The following STXBP6 variants were observed in gnomAD, a reference collection of about 807,000 sequenced individuals.
STXBP6 encodes the protein syntaxin binding protein 6, also known as syntaxin-binding protein 6.
Under a neutral mutation model 26.9 loss-of-function variants are expected in STXBP6, and 21 were observed. That is an observed-to-expected ratio of 0.78 (90% CI 0.55 to 1.12). The LOEUF (loss-of-function observed/expected upper bound fraction) is 1.12, where lower values mean the gene tolerates loss of function less well. Among genes scored for constraint, STXBP6 ranks in the 50% most tolerant of loss-of-function variants. The pLI is 0.00. For synonymous variants in STXBP6, 97 were observed against 92.6 expected, an observed-to-expected ratio of 1.05 and a Z score of -0.27; for missense variants, 232 against 257.9, an observed-to-expected ratio of 0.90 and a Z score of 0.69.
intron 2 of STXBP6, among the ~76,000 whole-genome samples, chr14:24,927,965 A>G (rs888930133): frequency 3.3e-5 from 5 of 152,226 alleles, no homozygotes; most frequent in African/African-American, 9.6e-5. Context: ...TTACTATCCA[A>G]TGTTGTTATA....
chr14:24,971,229 GA>G (rs1327039103), intron 2 of STXBP6, among the ~76,000 whole-genome samples: 1 of 151,870 alleles, frequency 6.6e-6, no homozygotes, highest in African/African-American at 2.4e-5. Context: ...TAGATATTGG[GA>G]AAAAAATCAC....
At chr14:25,036,651 G>A (rs1449037060) in intron 1 of STXBP6, among the ~76,000 whole-genome samples, 2 of 151,946 alleles carry the variant, frequency 1.3e-5, no homozygotes, top group African/African-American at 2.4e-5. Context: ...TCAGGAGATC[G>A]AGACCATCCT....
At chr14:24,826,234 T>C (rs956158257) in intron 4 of STXBP6, among the ~76,000 whole-genome samples, 7 of 152,202 alleles carry the variant, frequency 4.6e-5, no homozygotes, top group Non-Finnish European at 7.3e-5. Context: ...TTACCAGCTG[T>C]GTGACCTGAA....
At chr14:24,888,261 T>G (rs2070661479) in intron 2 of STXBP6, among the ~76,000 whole-genome samples, 1 of 152,090 alleles carries the variant, frequency 6.6e-6, no homozygotes, top group Non-Finnish European at 1.5e-5. Flanking sequence ...ATATTACAAA[T>G]GGATAGGTGG....
At chr14:25,028,557 G>A (rs1268988909) in intron 1 of STXBP6, among the ~76,000 whole-genome samples, 1 of 151,618 alleles carries the variant, frequency 6.6e-6, no homozygotes, top group African/African-American at 2.4e-5. Flanking sequence ...CAATGTACCT[G>A]GTCATCCAAG....
chr14:25,013,632 A>G (rs2075083233), intron 1 of STXBP6, among the ~76,000 whole-genome samples: 1 of 152,170 alleles, frequency 6.6e-6, no homozygotes. Flanking sequence ...TACAGAGGCT[A>G]GAGGAATATG....
At chr14:24,935,966 G>A (rs970143240) in intron 2 of STXBP6, among the ~76,000 whole-genome samples, 6 of 152,160 alleles carry the variant, frequency 3.9e-5, no homozygotes, top group Admixed American at 2.6e-4. Flanking sequence ...CAAAACAAAC[G>A]AGAGAAATAT....
chr14:24,983,517 A>G (rs1480118737), intron 1 of STXBP6, among the ~76,000 whole-genome samples: 1 of 152,246 alleles, frequency 6.6e-6, no homozygotes, highest in African/African-American at 2.4e-5. Flanking sequence ...CACTGAAGAA[A>G]AGACAGAAGG....
intron 2 of STXBP6, among the ~76,000 whole-genome samples, chr14:24,885,408 A>T (rs1475445377): frequency 6.6e-6 from 1 of 152,176 alleles, no homozygotes; most frequent in African/African-American, 2.4e-5. Flanking sequence ...CCACAGGGTA[A>T]ACTGCTAAGG....
intron 2 of STXBP6, among the ~76,000 whole-genome samples, chr14:24,961,824 A>G (rs909574628): frequency 1.3e-5 from 2 of 152,152 alleles, no homozygotes; most frequent in Admixed American, 6.5e-5. Flanking sequence ...TGAAAAGTTA[A>G]TTTTTCTCAC....
chr14:25,037,846 T>C (rs2075580245), intron 1 of STXBP6, among the ~76,000 whole-genome samples: 1 of 152,242 alleles, frequency 6.6e-6, no homozygotes, highest in African/African-American at 2.4e-5. Flanking sequence ...TCAAGTGGTC[T>C]CTGACTTTAC....
chr14:24,976,430 G>A (rs868676159), intron 1 of STXBP6, among the ~76,000 whole-genome samples: 15 of 152,342 alleles, frequency 9.8e-5, no homozygotes, highest in Middle Eastern at 3.4e-3. Flanking sequence ...CAAAGAATAT[G>A]TATCTAGATA....
chr14:24,920,531 T>C (rs1317996133), intron 2 of STXBP6, among the ~76,000 whole-genome samples: 3 of 152,110 alleles, frequency 2.0e-5, no homozygotes, highest in Non-Finnish European at 2.9e-5. Flanking sequence ...AACTCAAGGC[T>C]GAGTAAGCGC....
chr14:24,855,457 C>T (rs4983023), intron 4 of STXBP6, among the ~76,000 whole-genome samples: 29,521 of 151,960 alleles, frequency 0.19, 3,773 homozygotes, highest in Admixed American at 0.37. Context: ...CCTAACTCAG[C>T]TCTGTATGCC....
At chr14:25,008,459 G>C (rs2074954963) in intron 1 of STXBP6, among the ~76,000 whole-genome samples, 1 of 152,144 alleles carries the variant, frequency 6.6e-6, no homozygotes, top group African/African-American at 2.4e-5. Context: ...ACTCCAGCCT[G>C]GGAGATAGAG....
intron 2 of STXBP6, among the ~76,000 whole-genome samples, chr14:24,906,085 T>C (rs894280917): frequency 2.0e-5 from 3 of 152,228 alleles, no homozygotes; most frequent in Non-Finnish European, 4.4e-5. Flanking sequence ...CAATGCATCT[T>C]GATTAAATAT....
At chr14:24,976,850 C>CTTTTT (rs2074057579) in intron 1 of STXBP6, among the ~76,000 whole-genome samples, 1 of 70,298 alleles carries the variant, frequency 1.4e-5, no homozygotes, top group Non-Finnish European at 2.5e-5. Flanking sequence ...TGACTGGGCG[C>CTTTTT]TCTTTTTTTT....
chr14:24,854,038 T>C (rs2069244506), intron 4 of STXBP6, among the ~76,000 whole-genome samples: 1 of 152,102 alleles, frequency 6.6e-6, no homozygotes, highest in Non-Finnish European at 1.5e-5. Context: ...GCACAGTGAC[T>C]AGCATGTAGT....
In STXBP6 at chr14:24,999,900, C is replaced by T. The variant is rs534252881; in HGVS notation, c.-32-25050G>A. 2.6e-5 allele frequency among the ~76,000 whole-genome samples: 4 copies of T among 152,196 alleles called. No individual in the cohort carries two copies. In the East Asian group the frequency reaches 7.7e-4, roughly 29 times the overall value. On this transcript the variant is annotated intron_variant, in intron 1 of 5. Transcript: ENST00000323944. ...AGCAGGAAGAATAGTGTTATGTGCC[C>T]GTGTCTGTAAGGACAACACTGATTT...
Sources: allele counts gnomAD v4.1 joint callset (sites outside exome capture counted in the v4.1 genomes callset), GRCh38; gene constraint gnomAD v4.1.1; transcripts MANE v1.5; gene names NCBI Gene and HGNC (gene_info 2026-07-23, HGNC 2026-07-21).